GATA4: variants seen among roughly 807,000 people sequenced by gnomAD.
GATA4 encodes GATA binding protein 4, also known as transcription factor GATA-4.
GATA4 carries 7 observed loss-of-function variants against 37.9 expected under a neutral mutation model. The observed-to-expected ratio is 0.18, with a 90% CI of 0.11 to 0.35. The LOEUF (loss-of-function observed/expected upper bound fraction) is 0.35. GATA4 is among the 10% of genes least tolerant of loss of function. GATA4 has a pLI of 1.00. For synonymous variants in GATA4, 372 were observed against 292.6 expected (o/e 1.27, Z -2.77); for missense variants, 647 against 653.0 (o/e 0.99, Z 0.10).
Position 11,681,335 on chromosome 8 carries a change from A to G in GATA4, c.-274+4272A>G, listed in dbSNP as rs1054561283. The G allele has an allele frequency of 6.0e-5, 59 of 985,162 alleles. 1 individual carries two copies. In the African/African-American group the frequency reaches 8.0e-4, roughly 13 times the overall value. 61.0% of individuals were successfully genotyped at this position (985,162 alleles called of 1,614,324 possible). A position where few individuals can be genotyped will look rare whatever the true frequency, so the allele number is the denominator to read the frequency against. On this transcript the variant is annotated intron_variant, in intron 1 of 6. Transcript: ENST00000528712. ...TCACCACTTCTCGACCTGCGCCCCA[A>G]CCCATCAAATTTCCAGCACTCGTCC...
intron 2 of GATA4, among the ~76,000 whole-genome samples, chr8:11,734,937 C>A (rs960400979): frequency 2.6e-5 from 4 of 152,072 alleles, no homozygotes; most frequent in Non-Finnish European, 4.4e-5. Flanking sequence ...GACGTTTAGT[C>A]CATAACCATA....
At chr8:11,697,497 G>T in intron 1 of GATA4, 1 of 957,686 alleles carries the variant, frequency 1.0e-6, no homozygotes, top group South Asian at 4.8e-5. Flanking sequence ...AGCGCTCTCG[G>T]TGGGCACCTG....
chr8:11,734,904 G>A (rs997265851), intron 2 of GATA4, among the ~76,000 whole-genome samples: 1 of 152,178 alleles, frequency 6.6e-6, no homozygotes, highest in Admixed American at 6.5e-5. Flanking sequence ...AGGATTGCAA[G>A]ATCTAAATTT....
At chr8:11,754,037 C>T (rs1375090849) in intron 4 of GATA4, among the ~76,000 whole-genome samples, 2 of 152,190 alleles carry the variant, frequency 1.3e-5, no homozygotes, top group Non-Finnish European at 2.9e-5. Context: ...AGAACCTGGT[C>T]ACAGGGCAGT....
chr8:11,711,401 C>A (rs1288203813), intron 2 of GATA4, among the ~76,000 whole-genome samples: 1 of 152,238 alleles, frequency 6.6e-6, no homozygotes, highest in Non-Finnish European at 1.5e-5. Context: ...TGTGAGGGAA[C>A]ACAGGGCATG....
chr8:11,680,623 C>G, intron 1 of GATA4: 1 of 985,352 alleles, frequency 1.0e-6, no homozygotes, highest in Non-Finnish European at 1.2e-6. Context: ...GGCGTGACCT[C>G]TTGCCACGCC....
At chr8:11,744,539 G>T (rs1444732938) in intron 2 of GATA4, among the ~76,000 whole-genome samples, 1 of 152,234 alleles carries the variant, frequency 6.6e-6, no homozygotes, top group Non-Finnish European at 1.5e-5. Flanking sequence ...GGAATGAGAA[G>T]TGGTGCTTAC....
upstream of GATA4, among the ~76,000 whole-genome samples, chr8:11,699,504 T>C (rs1398195326): frequency 6.6e-6 from 1 of 152,110 alleles, no homozygotes; most frequent in Non-Finnish European, 1.5e-5. Flanking sequence ...GGGCAGTAGG[T>C]GTTAGCAGCT....
intron 1 of GATA4, chr8:11,697,692 T>TC (rs1176488949): frequency 1.4e-5 from 14 of 985,292 alleles, no homozygotes; most frequent in Non-Finnish European, 1.7e-5. Context: ...GAGGCTGTTT[T>TC]CGCACTTGGG....
At chr8:11,704,674 C>T (rs1284834662) in intron 1 of GATA4, among the ~76,000 whole-genome samples, 4 of 152,208 alleles carry the variant, frequency 2.6e-5, no homozygotes, top group African/African-American at 9.6e-5. Flanking sequence ...CTGACGGGCC[C>T]GGGACAGGCT....
rs956736692 is a variant in GATA4 at position 11,759,050 on chromosome 8, A to C, written c.*575A>C. 21 of 170,492 alleles carry C rather than the reference A, an allele frequency of 1.2e-4. No homozygotes were observed. The highest frequency in any genetic ancestry group is 5.1e-5 in the Non-Finnish European group (4 of 78,418). 10.6% of individuals were successfully genotyped at this position (170,492 alleles called of 1,614,324 possible). Reference sequence around the variant, plus strand: ...TCCTGGGGAGCTACAGGGGCACTTAACCCACCACAGCACAGCCTCATCAAA... The same window carrying C: ...TCCTGGGGAGCTACAGGGGCACTTACCCCACCACAGCACAGCCTCATCAAA... On this transcript the variant is annotated 3_prime_UTR_variant, in exon 7 of 7. Transcript: ENST00000532059.
intron 2 of GATA4, among the ~76,000 whole-genome samples, chr8:11,723,313 A>T (rs543211520): frequency 2.0e-5 from 3 of 152,022 alleles, no homozygotes; most frequent in Non-Finnish European, 4.4e-5. Context: ...TCATGGTCCA[A>T]CCACTGCAAT....
intron 1 of GATA4, among the ~76,000 whole-genome samples, chr8:11,685,090 A>T (rs1799096394): frequency 6.6e-6 from 1 of 152,216 alleles, no homozygotes; most frequent in Admixed American, 6.5e-5. Context: ...CGCACCAAAC[A>T]TTATGAATTG....
At chr8:11,754,932 C>T in intron 4 of GATA4, 114 bp from the exon 5 acceptor site, 1 of 800,508 alleles carries the variant, frequency 1.2e-6, no homozygotes, top group Non-Finnish European at 2.1e-6. Context: ...GGGCCCCAGG[C>T]TTTGTGGAGA....
intron 2 of GATA4, among the ~76,000 whole-genome samples, chr8:11,726,864 G>T (rs147183575): frequency 1.1e-4 from 17 of 152,272 alleles, no homozygotes; most frequent in Admixed American, 9.8e-4. Flanking sequence ...TCAGTGTTCT[G>T]GACCTGGAGC....
At chr8:11,684,040 C>T (rs758652988) in intron 1 of GATA4, among the ~76,000 whole-genome samples, 38 of 152,250 alleles carry the variant, frequency 2.5e-4, no homozygotes, top group Non-Finnish European at 4.0e-4. Flanking sequence ...AGTTCCCCTG[C>T]CCAGGGCAAC....
chr8:11,711,918 G>A (rs1026852504), intron 2 of GATA4, among the ~76,000 whole-genome samples: 1 of 152,144 alleles, frequency 6.6e-6, no homozygotes, highest in African/African-American at 2.4e-5. Context: ...AGCTTTCTGA[G>A]GAGTTGCCAC....
In GATA4 at chr8:11,708,373, G is replaced by T. The variant is rs762079549; in HGVS notation, c.61G>T (p.Gly21Cys). The T allele has an allele frequency of 6.4e-7, 1 of 1,555,542 alleles. No homozygotes were observed. Among genetic ancestry groups the T allele is most frequent in the Non-Finnish European group, 8.6e-7 (1 of 1,158,316 alleles). Residue 21 changes from glycine to cysteine, a missense_variant, in exon 2 of 7, where the codon GGC (glycine) becomes TGC (cysteine). Gly to Cys is a radical substitution (Grantham distance 159). Transcript: ENST00000532059. This position sits in a 1 kb window ranked among gnomAD's most constrained non-coding sequence, Gnocchi z 6.7. Reference protein sequence around the residue: ...HGPPPGAYEAGGPGAFMHGAG... With the variant: ...HGPPPGAYEACGPGAFMHGAG... ...GCCGCCCCCCGGTGCCTACGAGGCG[G>T]GCGGCCCCGGCGCCTTCATGCACGG...
At chr8:11,694,204 G>A (rs115899753) in intron 1 of GATA4, among the ~76,000 whole-genome samples, 2 of 152,168 alleles carry the variant, frequency 1.3e-5, no homozygotes, top group Non-Finnish European at 2.9e-5. Context: ...CTGGCACATA[G>A]TAAACATTCA....
Sources: gnomAD v4.1 joint callset for allele counts (sites outside exome capture counted in the v4.1 genomes callset) on GRCh38, gnomAD v4.1.1 for gene constraint, Gnocchi (gnomAD v3.1) non-coding constraint, MANE v1.5 for transcripts, NCBI Gene and HGNC (gene_info 2026-07-23, HGNC 2026-07-21) for gene names.